The following PARD3B variants were observed in gnomAD, a reference collection of about 807,000 sequenced individuals.
PARD3B encodes par-3 family cell polarity regulator beta, also known as partitioning defective 3 homolog B.
In PARD3B, 103 loss-of-function variants were observed where a neutral mutation model predicts 130.2. The ratio of observed to expected loss-of-function variants is 0.79; its 90% confidence interval spans 0.67 to 0.93. The LOEUF is 0.93. Among genes scored for constraint, PARD3B ranks in the 40% least tolerant of loss-of-function variants. The pLI is 0.00. For synonymous variants in PARD3B, 583 were observed against 553.2 expected, an observed-to-expected ratio of 1.05 and a Z score of -0.76; for missense variants, 1,609 against 1,499.2, an observed-to-expected ratio of 1.07 and a Z score of -1.21.
chr2:205,243,841 G>C (rs914930782), intron 15 of PARD3B, among the ~76,000 whole-genome samples: 1 of 152,108 alleles, frequency 6.6e-6, no homozygotes, highest in Non-Finnish European at 1.5e-5. Flanking sequence ...TGTGAGAATC[G>C]AATGAATGAA....
At chr2:204,580,692 A>G (rs922229373) in intron 1 of PARD3B, among the ~76,000 whole-genome samples, 2 of 152,250 alleles carry the variant, frequency 1.3e-5, no homozygotes, top group Middle Eastern at 3.4e-3. Flanking sequence ...AATGTGCTAT[A>G]TAAGTATTGT....
At chr2:204,980,550 A>G (rs1216507483) in intron 3 of PARD3B, among the ~76,000 whole-genome samples, 2 of 152,204 alleles carry the variant, frequency 1.3e-5, no homozygotes, top group Non-Finnish European at 2.9e-5. Flanking sequence ...GCACTGTTTG[A>G]ACCAAGTGAT....
In PARD3B at chr2:205,195,464, C is replaced by T. The variant is rs191751393; in HGVS notation, c.2140+2144C>T. On this transcript the variant is annotated intron_variant, in intron 15 of 22. Transcript: ENST00000406610. The stretch of plus-strand genomic sequence containing the variant: ...GCCCTGAGAGTCAGCATTCTAGTAC[C>T]ATTTTGATCCCTTCTCCCCAGAACA... 4.6e-5 allele frequency among the ~76,000 whole-genome samples: 7 copies of T among 152,258 alleles called. No homozygotes were observed. In the East Asian group the frequency reaches 1.4e-3, roughly 29 times the overall value.
chr2:204,637,790 T>C (rs1351021028), intron 1 of PARD3B, among the ~76,000 whole-genome samples: 1 of 152,054 alleles, frequency 6.6e-6, no homozygotes, highest in East Asian at 1.9e-4. Context: ...TTGGGGGTTT[T>C]AGCGTGTCCT....
At chr2:205,018,137 T>C (rs956274724) in intron 3 of PARD3B, among the ~76,000 whole-genome samples, 2 of 152,152 alleles carry the variant, frequency 1.3e-5, no homozygotes, top group Non-Finnish European at 2.9e-5. Flanking sequence ...GATATAGCTG[T>C]ATAATATGTC....
intron 18 of PARD3B, among the ~76,000 whole-genome samples, chr2:205,316,541 G>GA (rs1189887999): frequency 6.6e-6 from 1 of 151,984 alleles, no homozygotes; most frequent in African/African-American, 2.4e-5. Flanking sequence ...GGAAAACCCA[G>GA]AAAAAAATGT....
chr2:205,389,071 G>T (rs923748661), intron 18 of PARD3B, among the ~76,000 whole-genome samples: 1 of 152,104 alleles, frequency 6.6e-6, no homozygotes, highest in Admixed American at 6.5e-5. Context: ...CTTGTGACTT[G>T]TTGGCCCTAG....
chr2:204,803,107 C>A, intron 2 of PARD3B, among the ~76,000 whole-genome samples: 1 of 139,216 alleles, frequency 7.2e-6, no homozygotes, highest in African/African-American at 2.6e-5. Flanking sequence ...CTTGACAGGC[C>A]AGGAGAGAGG....
At chr2:205,049,851 CAT>C (rs879536655) in intron 4 of PARD3B, among the ~76,000 whole-genome samples, 3 of 152,154 alleles carry the variant, frequency 2.0e-5, no homozygotes, top group Non-Finnish European at 2.9e-5. Flanking sequence ...AAAGGAAACA[CAT>C]GTTTCTTCCT....
intron 2 of PARD3B, among the ~76,000 whole-genome samples, chr2:204,935,038 C>T (rs370927247): frequency 5.1e-4 from 77 of 152,150 alleles, no homozygotes; most frequent in African/African-American, 1.4e-3. Flanking sequence ...TGTTATATGA[C>T]GCTTGATTAT....
intron 3 of PARD3B, among the ~76,000 whole-genome samples, chr2:205,002,620 G>A (rs773213547): frequency 5.9e-5 from 9 of 152,096 alleles, no homozygotes; most frequent in Admixed American, 4.6e-4. Context: ...ATCCTCTCGC[G>A]CTCTGATGTC....
chr2:205,046,395 A>G (rs766345546), intron 3 of PARD3B, among the ~76,000 whole-genome samples: 18 of 152,140 alleles, frequency 1.2e-4, no homozygotes, highest in Non-Finnish European at 1.0e-4. Flanking sequence ...AAAAGGAAAT[A>G]AAGGAATGTG....
At chr2:204,634,838 C>T (rs1347765475) in intron 1 of PARD3B, among the ~76,000 whole-genome samples, 3 of 152,088 alleles carry the variant, frequency 2.0e-5, no homozygotes, top group Non-Finnish European at 4.4e-5. Context: ...ATTGGGGGCT[C>T]ACAAGATAGT....
intron 20 of PARD3B, among the ~76,000 whole-genome samples, chr2:205,497,427 A>AC (rs768131477): frequency 2.4e-5 from 3 of 123,706 alleles, no homozygotes; most frequent in African/African-American, 6.0e-5. Context: ...TTTACTCACC[A>AC]TTTTTTTTTT....
intron 2 of PARD3B, among the ~76,000 whole-genome samples, chr2:204,790,201 A>T (rs1192346497): frequency 6.6e-6 from 1 of 152,172 alleles, no homozygotes; most frequent in African/African-American, 2.4e-5. Flanking sequence ...TTCATGGAAC[A>T]ATTTAGACCT....
At position 205,591,943 on chromosome 2, in the gene PARD3B, G is replaced by A. The variant is rs985586546; in HGVS notation, c.3261-23513G>A. On this transcript the variant is annotated intron_variant, in intron 22 of 22. Transcript: ENST00000406610. This position sits in a 1 kb window ranked among gnomAD's most constrained non-coding sequence, Gnocchi z 4.2. The stretch of plus-strand genomic sequence containing the variant: ...GCAGGGAACGAAGACACCCAGGCAT[G>A]GACATTAAGATTCAAGGCTAGGATC... Among the ~76,000 whole-genome samples the A allele has an allele frequency of 6.6e-6, 1 of 152,130 alleles. No individual in the cohort carries two copies. The highest frequency in any genetic ancestry group is 1.5e-5 in the Non-Finnish European group (1 of 68,020).
chr2:205,012,188 C>T (rs1044871959), intron 3 of PARD3B, among the ~76,000 whole-genome samples: 2 of 152,284 alleles, frequency 1.3e-5, no homozygotes, highest in Non-Finnish European at 2.9e-5. Flanking sequence ...CATCTTCCAA[C>T]ATTTTGTTAA....
At chr2:205,316,851 T>A (rs2042580323) in intron 18 of PARD3B, among the ~76,000 whole-genome samples, 1 of 152,202 alleles carries the variant, frequency 6.6e-6, no homozygotes, top group African/African-American at 2.4e-5. Context: ...AGCAAACAAC[T>A]GCTAAGTACA....
chr2:204,916,909 G>A (rs2047468008), intron 2 of PARD3B, among the ~76,000 whole-genome samples: 1 of 152,110 alleles, frequency 6.6e-6, no homozygotes, highest in African/African-American at 2.4e-5. Context: ...AAACTTTAAA[G>A]TATTTTTCTA....
Sources: allele counts gnomAD v4.1 joint callset (sites outside exome capture counted in the v4.1 genomes callset), GRCh38; gene constraint gnomAD v4.1.1; non-coding constraint Gnocchi (gnomAD v3.1); transcripts MANE v1.5; gene names NCBI Gene and HGNC (gene_info 2026-07-23, HGNC 2026-07-21).